RGS14: variants seen among roughly 807,000 people sequenced by gnomAD.
The protein encoded by RGS14 is regulator of G-protein signaling 14.
In RGS14, 33 loss-of-function variants were observed where a neutral mutation model predicts 63.8. That is an observed-to-expected ratio of 0.52 (90% CI 0.39 to 0.69). RGS14 has a LOEUF of 0.69. Among genes scored for constraint, RGS14 ranks in the 30% least tolerant of loss-of-function variants. The pLI, the probability that RGS14 is intolerant of heterozygous loss-of-function variation, is 0.00. For missense variants in RGS14, 739 were observed against 742.9 expected, an observed-to-expected ratio of 0.99 and a Z score of 0.06; for synonymous variants, 296 against 320.9, an observed-to-expected ratio of 0.92 and a Z score of 0.83.
intron 10 of RGS14, 112 bp from the exon 11 acceptor site, chr5:177,370,793 C>A: frequency 2.1e-6 from 3 of 1,461,514 alleles, no homozygotes; most frequent in Non-Finnish European, 2.8e-6. Flanking sequence ...CCGCCCCCTA[C>A]AAGCCAGTCC....
chr5:177,359,623 G>A lies in RGS14; in HGVS notation c.45+1554G>A, dbSNP rs536048534. ...CCCCAGTTCCATCAAGCCCACAGAC[G>A]CCCCGGCTCCTCTCAGAACTGTCAC... On this transcript the variant is annotated intron_variant, in intron 1 of 14. Transcript: ENST00000408923. This position sits in a 1 kb window ranked among gnomAD's most constrained non-coding sequence, Gnocchi z 4.4. Among the ~76,000 whole-genome samples the A allele has an allele frequency of 1.3e-5, 2 of 152,326 alleles. No individual in the cohort carries two copies. The highest frequency in any genetic ancestry group is 2.4e-5 in the African/African-American group (1 of 41,568).
rs1313259121 is a variant in RGS14 at position 177,370,916 on chromosome 5, C to G, written c.1139C>G (p.Thr380Arg). ...ENRITFELEL[T>R]ALERVVRISA... ...AGGGTTCCTCGCAGGCTGGAGCTGA[C>G]GGCGCTGGAGCGCGTGGTACGAATC... The change falls in exon 11 of 15, where the codon ACG (threonine) becomes AGG (arginine). Residue 380 changes from threonine (T) to arginine (R), a missense_variant. Physicochemically the swap from Thr to Arg is moderately conservative, Grantham distance 71 (BLOSUM62 -1). Transcript: ENST00000408923. The G allele has an allele frequency of 6.2e-7, 1 of 1,605,216 alleles. No homozygotes were observed. Among genetic ancestry groups the G allele is most frequent in the Non-Finnish European group, 8.5e-7 (1 of 1,179,516 alleles).
chr5:177,365,507 C>T (rs1762067893), intron 1 of RGS14, among the ~76,000 whole-genome samples: 1 of 152,170 alleles, frequency 6.6e-6, no homozygotes, highest in Non-Finnish European at 1.5e-5. Flanking sequence ...CCAGCCAATG[C>T]TGTGAATATA....
In RGS14 at chr5:177,368,870, C is replaced by A. The variant is rs758499515; in HGVS notation, c.1003C>A (p.Arg335=). Residue 335 remains arginine, a synonymous_variant, in exon 9 of 15, where the codon CGA becomes AGA. Coordinates refer to ENST00000408923, the MANE Select transcript of RGS14 (RefSeq NM_006480.5). The stretch of plus-strand genomic sequence containing the variant: ...CATGCTGGCAGGGATCTGTGAGAAA[C>A]GAGGCCTCTCTCTACCTGACATCAA... ...RDMLAGICEK[R]GLSLPDIKVY... 2 of 1,614,178 alleles carry A rather than the reference C, an allele frequency of 1.2e-6. No individual in the cohort carries two copies. Among genetic ancestry groups the A allele is most frequent in the South Asian group, 1.1e-5 (1 of 91,084 alleles).
intron 5 of RGS14, 142 bp from the exon 6 acceptor site, chr5:177,367,272 A>T: frequency 8.1e-7 from 1 of 1,231,814 alleles, no homozygotes; most frequent in Non-Finnish European, 1.1e-6. Flanking sequence ...GGGGGTGGGT[A>T]TAGGAACTGA....
Position 177,371,007 on chromosome 5 carries a change from C to A in RGS14, c.1230C>A (p.Ser410Arg), listed in dbSNP as rs375078175. 1.3e-6 allele frequency: 2 copies of A among 1,597,598 alleles called. No homozygotes were observed. The highest frequency in any genetic ancestry group is 1.7e-6 in the Non-Finnish European group (2 of 1,177,390). The change falls in exon 11 of 15, where the codon AGC becomes AGA. Residue 410 changes from serine (S) to arginine (R), a missense_variant. Ser to Arg is a moderately radical substitution (Grantham distance 110). Transcript: ENST00000408923. The surrounding 1 kb of genome is among the most constrained non-coding windows in gnomAD (Gnocchi z 6.1). Reference sequence around the variant, plus strand: ...CCATTCTGGAGAAGCACGGCTTGAGCCCGCTAGAGGTGGTGCTGCACCGGG... The same window carrying A: ...CCATTCTGGAGAAGCACGGCTTGAGACCGCTAGAGGTGGTGCTGCACCGGG... ...LQPILEKHGL[S>R]PLEVVLHRPG...
In RGS14 at chr5:177,371,209, G is replaced by C; in HGVS notation, c.1299G>C (p.Ser433=). ...TGGATCTGGGGAAGCTAGTGAGCTCGGTGGCGGCCCAGAGACTGGTTTTGG... is the reference window on the plus strand; with the variant it reads ...TGGATCTGGGGAAGCTAGTGAGCTCCGTGGCGGCCCAGAGACTGGTTTTGG... ...QPLDLGKLVS[S]VAAQRLVLDT... is the part of the protein sequence containing the mutation. Residue 433 remains serine (S), a synonymous_variant, in exon 12 of 15, where the codon TCG becomes TCC. Coordinates refer to ENST00000408923, the MANE Select transcript of RGS14 (RefSeq NM_006480.5). The surrounding 1 kb of genome is among the most constrained non-coding windows in gnomAD (Gnocchi z 6.1). 1 of 1,613,848 alleles carries C rather than the reference G, an allele frequency of 6.2e-7. No homozygotes were observed. The highest frequency in any genetic ancestry group is 8.5e-7 in the Non-Finnish European group (1 of 1,179,930).
At chr5:177,368,015 C>T (rs1762144222) in intron 7 of RGS14, 142 bp from the exon 8 acceptor site, 1 of 1,454,332 alleles carries the variant, frequency 6.9e-7, no homozygotes, top group Admixed American at 2.6e-5. Flanking sequence ...TGGAAATCTC[C>T]AACGGTGGTG....
In RGS14 at chr5:177,367,031, T is replaced by C; in HGVS notation, c.480T>C (p.Leu160=). The C allele has an allele frequency of 6.2e-7, 1 of 1,608,344 alleles. No homozygotes were observed. Among genetic ancestry groups the C allele is most frequent in the Non-Finnish European group, 8.5e-7 (1 of 1,177,860 alleles). Residue 160 remains leucine (L), a synonymous_variant, in exon 5 of 15, where the codon CTT becomes CTC. Coordinates refer to ENST00000408923, the MANE Select transcript of RGS14 (RefSeq NM_006480.5). ...PRPDMFRAQQ[L]QIFNLMKFDS... is the part of the protein sequence containing the mutation. ...CGGACATGTTTCGGGCACAGCAGCT[T>C]CAGGTGGGCGATCCTGGGGGGATTG...
rs562696839 is a variant in RGS14 at position 177,365,483 on chromosome 5, G to A, written c.46-480G>A. On this transcript the variant is annotated intron_variant, in intron 1 of 14. Transcript: ENST00000408923. ...CTCCCAAAGTGCTGGGATTACAGGC[G>A]TGAGCCACCGTGTCCAGCCAATGCT... Among the ~76,000 whole-genome samples, 106 of 152,238 alleles carry A rather than the reference G, an allele frequency of 7.0e-4. No individual in the cohort carries two copies. The Middle Eastern group carries it at 0.027, about 39-fold the overall frequency.
rs1450466169 is a variant in RGS14, at chr5:177,371,771, G to A, written c.1499-102G>A. 45 of 1,362,302 alleles carry A rather than the reference G, an allele frequency of 3.3e-5. No homozygotes were observed. Among genetic ancestry groups the A allele is most frequent in the Middle Eastern group, 2.6e-4 (1 of 3,902 alleles). The allele number at this position is 1,362,302 out of a possible 1,614,324, so 84.4% of individuals were successfully genotyped here. A position where few individuals can be genotyped will look rare whatever the true frequency, so the allele number is the denominator to read the frequency against. ...CAGGGGGCCGCAGGCCATTGGTGCT[G>A]GGGCCAGGGAGGCAGTGGCCACAGT... On this transcript the variant is annotated intron_variant, in intron 14 of 14. Coordinates refer to ENST00000408923, the MANE Select transcript of RGS14 (RefSeq NM_006480.5). The surrounding 1 kb of genome is among the most constrained non-coding windows in gnomAD (Gnocchi z 6.1).
Position 177,366,802 on chromosome 5 carries a change from TG to T in RGS14, c.339+7del, listed in dbSNP as rs761805207. 10 of 1,613,486 alleles carry T rather than the reference TG, an allele frequency of 6.2e-6. No individual in the cohort carries two copies. The Admixed American group carries it at 1.7e-4, about 27-fold the overall frequency. On this transcript the variant is annotated splice_donor_region_variant and intron_variant, in intron 4 of 14. Transcript: ENST00000408923. Reference sequence around the variant, plus strand: ...ATCCCGGCCAGCGATACCCAGCAGGTGGGGGAAGGGGGAGCTGGGGCCGAGG... The same window carrying T: ...ATCCCGGCCAGCGATACCCAGCAGGTGGGGAAGGGGGAGCTGGGGCCGAGG...
rs763198804 is a variant in RGS14 at position 177,371,946 on chromosome 5, C to T, written c.1572C>T (p.Asp524=). The change falls in exon 15 of 15, where the codon GAC becomes GAT. Residue 524 remains aspartate (D), a synonymous_variant. Coordinates refer to ENST00000408923, the MANE Select transcript of RGS14 (RefSeq NM_006480.5). The surrounding 1 kb of genome is among the most constrained non-coding windows in gnomAD (Gnocchi z 6.1). The part of the protein sequence containing the change: ...HDQRGLLRKE[D]LVLPEFLQLP... ...AGAGGGGCCTTCTGAGGAAAGAGGACCTGGTACTTCCAGAATTTCTGCAGC... is the reference window on the plus strand; with the variant it reads ...AGAGGGGCCTTCTGAGGAAAGAGGATCTGGTACTTCCAGAATTTCTGCAGC... The T allele has an allele frequency of 1.2e-6, 2 of 1,614,134 alleles. No homozygotes were observed.
In RGS14 at chr5:177,372,114, G is replaced by A. The variant is rs1762287664; in HGVS notation, c.*39G>A. 3.8e-6 allele frequency: 6 copies of A among 1,582,140 alleles called. No homozygotes were observed. The highest frequency in any genetic ancestry group is 1.3e-5 in the African/African-American group (1 of 74,336). ...GTCCAGGACAGCTGCATGGCACCCG[G>A]CGGGCCGAGCATGCCATGGGTCCGC... On this transcript the variant is annotated 3_prime_UTR_variant, in exon 15 of 15. Coordinates refer to ENST00000408923, the MANE Select transcript of RGS14 (RefSeq NM_006480.5).
rs1761879102 is a variant in RGS14 at position 177,358,491 on chromosome 5, G to A, written c.45+422G>A. Among the ~76,000 whole-genome samples the A allele has an allele frequency of 6.6e-6, 1 of 152,200 alleles. No individual in the cohort carries two copies. Among genetic ancestry groups the A allele is most frequent in the Non-Finnish European group, 1.5e-5 (1 of 68,022 alleles). ...CCAGGTGCCCAAGGTCATGTTAGTGGCAGCTCTTGCTGGGTCGGTGTCCTC... is the reference window on the plus strand; with the variant it reads ...CCAGGTGCCCAAGGTCATGTTAGTGACAGCTCTTGCTGGGTCGGTGTCCTC... On this transcript the variant is annotated intron_variant, in intron 1 of 14. Transcript: ENST00000408923. This position sits in a 1 kb window ranked among gnomAD's most constrained non-coding sequence, Gnocchi z 4.8.
chr5:177,372,376 C>A lies in RGS14; in HGVS notation c.*301C>A. On this transcript the variant is annotated 3_prime_UTR_variant, in exon 15 of 15. Coordinates refer to ENST00000408923, the MANE Select transcript of RGS14 (RefSeq NM_006480.5). ...ACATGGAGGGATGGCGTTGGCAGTG[C>A]CAGCCTCCCCAGCCTGTGCCAAGCT... is the stretch of plus-strand genomic sequence containing the variant. 1 of 356,538 alleles carries A rather than the reference C, an allele frequency of 2.8e-6. No homozygotes were observed. Among genetic ancestry groups the A allele is most frequent in the Non-Finnish European group, 5.1e-6 (1 of 195,002 alleles). The allele number at this position is 356,538 out of a possible 1,614,324, so 22.1% of individuals were successfully genotyped here. A position where few individuals can be genotyped will look rare whatever the true frequency, so the allele number is the denominator to read the frequency against.
chr5:177,372,124 C>A lies in RGS14; in HGVS notation c.*49C>A. 1 of 1,551,812 alleles carries A rather than the reference C, an allele frequency of 6.4e-7. No individual in the cohort carries two copies. Among genetic ancestry groups the A allele is most frequent in the Admixed American group, 1.7e-5 (1 of 58,804 alleles). The stretch of plus-strand genomic sequence containing the variant: ...GCTGCATGGCACCCGGCGGGCCGAG[C>A]ATGCCATGGGTCCGCTCTGCATGCC... On this transcript the variant is annotated 3_prime_UTR_variant, in exon 15 of 15. Transcript: ENST00000408923.
chr5:177,367,920 T>A, intron 7 of RGS14, 95 bp downstream of exon 7: 2 of 1,445,306 alleles, frequency 1.4e-6, no homozygotes, highest in Non-Finnish European at 1.8e-6. Flanking sequence ...CCACAGTCTG[T>A]AAGTCTGTGA....
chr5:177,371,141 C>T lies in RGS14; in HGVS notation c.1255-24C>T, dbSNP rs934884213. The T allele has an allele frequency of 6.3e-7, 1 of 1,599,468 alleles. No individual in the cohort carries two copies. Among genetic ancestry groups the T allele is most frequent in the East Asian group, 2.2e-5 (1 of 44,520 alleles). On this transcript the variant is annotated intron_variant, in intron 11 of 14. Transcript: ENST00000408923. The surrounding 1 kb of genome is among the most constrained non-coding windows in gnomAD (Gnocchi z 6.1). ...CGGGGCCGGGCGGAGGCCTGTACCGCGGGCTGCTGACCTCTCCCCACAGCC... is the reference window on the plus strand; with the variant it reads ...CGGGGCCGGGCGGAGGCCTGTACCGTGGGCTGCTGACCTCTCCCCACAGCC...
Sources: gnomAD v4.1 joint callset for allele counts (sites outside exome capture counted in the v4.1 genomes callset) on GRCh38, gnomAD v4.1.1 for gene constraint, Gnocchi (gnomAD v3.1) non-coding constraint, MANE v1.5 for transcripts, NCBI Gene and HGNC (gene_info 2026-07-23, HGNC 2026-07-21) for gene names.